NKAIN3: variants seen among roughly 807,000 people sequenced by gnomAD.
The protein encoded by NKAIN3 is sodium/potassium-transporting ATPase subunit beta-1-interacting protein 3.
Under a neutral mutation model 30.2 loss-of-function variants are expected in NKAIN3, and 25 were observed. That is an observed-to-expected ratio of 0.83 (90% CI 0.60 to 1.16). NKAIN3 has a LOEUF of 1.16. NKAIN3 is among the 50% of genes most tolerant of loss of function. The pLI is 0.00. For synonymous variants in NKAIN3, 91 were observed against 89.6 expected (o/e 1.02, Z -0.09); for missense variants, 225 against 254.1 (o/e 0.89, Z 0.78).
intron 1 of NKAIN3, among the ~76,000 whole-genome samples, chr8:62,344,671 T>G (rs1203015241): frequency 6.6e-6 from 1 of 152,118 alleles, no homozygotes; most frequent in African/African-American, 2.4e-5. Context: ...GCAAGTACTT[T>G]ATACTTCTAA....
chr8:62,271,409 GT>G (rs1000577803), intron 1 of NKAIN3, among the ~76,000 whole-genome samples: 2 of 152,172 alleles, frequency 1.3e-5, no homozygotes, highest in African/African-American at 4.8e-5. Flanking sequence ...ACTGTTTGGT[GT>G]TTTGTCTGGG....
intron 4 of NKAIN3, among the ~76,000 whole-genome samples, chr8:62,887,349 G>GT (rs924303031): frequency 4.6e-5 from 7 of 151,922 alleles, no homozygotes; most frequent in East Asian, 1.9e-4. Context: ...CCTGTATGTA[G>GT]TTTTTTTGGC....
chr8:62,959,433 G>GGTGTGTGTGTGGGTGTGTGTGT (rs71559385), intron 6 of NKAIN3, among the ~76,000 whole-genome samples: 1 of 143,154 alleles, frequency 7.0e-6, no homozygotes, highest in African/African-American at 2.6e-5. Flanking sequence ...GACAAATCAG[G>GGTGTGTGTGTGGGTGTGTGTGT]GTGTGTGTGT....
intron 4 of NKAIN3, chr8:62,864,026 CT>C (rs1206551246): frequency 5.6e-6 from 4 of 712,080 alleles, no homozygotes; most frequent in Non-Finnish European, 1.0e-5. Flanking sequence ...GGGTGTTTCT[CT>C]CTTTTCGGCC....
At chr8:62,427,212 A>T (rs1804834299) in intron 1 of NKAIN3, among the ~76,000 whole-genome samples, 1 of 152,034 alleles carries the variant, frequency 6.6e-6, no homozygotes, top group African/African-American at 2.4e-5. Context: ...AATATATCAC[A>T]ATTTTTGGAA....
At chr8:62,954,386 A>G (rs986612614) in intron 6 of NKAIN3, among the ~76,000 whole-genome samples, 5 of 152,194 alleles carry the variant, frequency 3.3e-5, no homozygotes, top group Admixed American at 3.3e-4. Flanking sequence ...GACTTGTTCT[A>G]TCACCATACT....
chr8:62,844,639 C>T (rs1407316110), intron 4 of NKAIN3, among the ~76,000 whole-genome samples: 1 of 152,134 alleles, frequency 6.6e-6, no homozygotes, highest in Admixed American at 6.6e-5. Context: ...AATGGGAACA[C>T]TTTGTTTTGT....
intron 1 of NKAIN3, among the ~76,000 whole-genome samples, chr8:62,538,430 C>T (rs888709059): frequency 2.0e-5 from 3 of 152,202 alleles, no homozygotes; most frequent in African/African-American, 4.8e-5. Flanking sequence ...CCACCTCGGC[C>T]TCCCAAAGTG....
At position 62,776,713 on chromosome 8, in the gene NKAIN3, T is replaced by A. The variant is rs537415221; in HGVS notation, c.471+29584T>A. Among the ~76,000 whole-genome samples the A allele has an allele frequency of 2.0e-5, 3 of 152,286 alleles. No individual in the cohort carries two copies. In the East Asian group the frequency reaches 5.8e-4, roughly 29 times the overall value. ...TTTTGATCAGTTCATCTTTTAATCT[T>A]TCTACTCAAGTTGTGAGTAGTTTAT... is the stretch of plus-strand genomic sequence containing the variant. On this transcript the variant is annotated intron_variant, in intron 4 of 6. Transcript: ENST00000623646.
At chr8:62,398,025 T>C (rs889580187) in intron 1 of NKAIN3, among the ~76,000 whole-genome samples, 1 of 152,208 alleles carries the variant, frequency 6.6e-6, no homozygotes, top group African/African-American at 2.4e-5. Context: ...AGGGTAAAAC[T>C]GGTGGGAGAG....
intron 3 of NKAIN3, among the ~76,000 whole-genome samples, chr8:62,712,604 G>A (rs538367296): frequency 1.3e-5 from 2 of 152,222 alleles, no homozygotes; most frequent in South Asian, 4.2e-4. Flanking sequence ...CCTGCCAACA[G>A]CCCTGAGTGT....
intron 4 of NKAIN3, among the ~76,000 whole-genome samples, chr8:62,916,441 A>G (rs989616859): frequency 2.0e-5 from 3 of 152,130 alleles, no homozygotes; most frequent in Non-Finnish European, 4.4e-5. Flanking sequence ...ATTAGGGACC[A>G]TTTCTTTCTT....
chr8:62,389,824 G>A (rs1219855032), intron 1 of NKAIN3, among the ~76,000 whole-genome samples: 1 of 152,124 alleles, frequency 6.6e-6, no homozygotes, highest in East Asian at 1.9e-4. Flanking sequence ...AGTAGCAGTA[G>A]TGCCTTATCT....
At position 62,965,458 on chromosome 8, in the gene NKAIN3, A is replaced by T; in HGVS notation, c.*51A>T. On this transcript the variant is annotated 3_prime_UTR_variant, in exon 7 of 7. Coordinates refer to ENST00000623646, the MANE Select transcript of NKAIN3 (RefSeq NM_001304533.3). ...CCTCGGTGGATCCGACCCGCCTGAC[A>T]TTCCTTCCAGAGGCTAGACTGTGCT... 3.0e-6 allele frequency: 3 copies of T among 985,716 alleles called. No individual in the cohort carries two copies. The highest frequency in any genetic ancestry group is 3.6e-6 in the Non-Finnish European group (3 of 829,904). The allele number at this position is 985,716 out of a possible 1,614,324, so 61.1% of individuals were successfully genotyped here.
At chr8:62,818,896 G>A (rs1818769107) in intron 4 of NKAIN3, among the ~76,000 whole-genome samples, 2 of 151,746 alleles carry the variant, frequency 1.3e-5, no homozygotes, top group Admixed American at 6.6e-5. Flanking sequence ...TGAATGATAT[G>A]AATAAAAAGC....
chr8:62,916,450 T>C (rs986555231), intron 4 of NKAIN3, among the ~76,000 whole-genome samples: 1 of 152,178 alleles, frequency 6.6e-6, no homozygotes, highest in Non-Finnish European at 1.5e-5. Flanking sequence ...CATTTCTTTC[T>C]TGTGTATGTA....
At chr8:62,555,289 C>G (rs113215531) in intron 1 of NKAIN3, among the ~76,000 whole-genome samples, 1 of 151,902 alleles carries the variant, frequency 6.6e-6, no homozygotes, top group African/African-American at 2.4e-5. Flanking sequence ...GAATTAAATC[C>G]ACAAATATAT....
intron 1 of NKAIN3, among the ~76,000 whole-genome samples, chr8:62,272,816 A>T (rs761424806): frequency 6.6e-5 from 10 of 152,164 alleles, no homozygotes; most frequent in Non-Finnish European, 1.5e-4. Flanking sequence ...TTTTTTCCTT[A>T]GTTCTGCAAA....
intron 1 of NKAIN3, chr8:62,383,392 G>A (rs1817333462): frequency 2.5e-6 from 1 of 403,624 alleles, no homozygotes; most frequent in African/African-American, 2.1e-5. Context: ...AAGTGGAGTA[G>A]CCTTTTCCTT....
Sources: gnomAD v4.1 joint callset for allele counts (sites outside exome capture counted in the v4.1 genomes callset) on GRCh38, gnomAD v4.1.1 for gene constraint, MANE v1.5 for transcripts, NCBI Gene and HGNC (gene_info 2026-07-23, HGNC 2026-07-21) for gene names.